Variants in NKAIN3 observed in about 807,000 individuals in gnomAD.
NKAIN3 encodes the protein sodium/potassium-transporting ATPase subunit beta-1-interacting protein 3.
A neutral mutation model predicts 30.2 loss-of-function variants in NKAIN3; 25 were observed. The ratio of observed to expected loss-of-function variants is 0.83; its 90% CI spans 0.60 to 1.16. NKAIN3 has a LOEUF of 1.16. NKAIN3 is among the 50% of genes most tolerant of loss of function. NKAIN3 has a pLI of 0.00. For missense variants in NKAIN3, 225 were observed against 254.1 expected, an observed-to-expected ratio of 0.89 and a Z score of 0.78; for synonymous variants, 91 against 89.6, an observed-to-expected ratio of 1.02 and a Z score of -0.09.
intron 3 of NKAIN3, among the ~76,000 whole-genome samples, chr8:62,729,546 C>G (rs999347348): frequency 6.6e-6 from 1 of 152,202 alleles, no homozygotes; most frequent in East Asian, 1.9e-4. Flanking sequence ...CGCATAAAAA[C>G]CTGCACCTAG....
intron 3 of NKAIN3, among the ~76,000 whole-genome samples, chr8:62,668,760 C>T (rs1380579765): frequency 6.6e-6 from 1 of 151,940 alleles, no homozygotes; most frequent in Non-Finnish European, 1.5e-5. Flanking sequence ...ATATGTATTC[C>T]TTAATTTAAA....
chr8:62,262,907 G>C (rs1812488749), intron 1 of NKAIN3, among the ~76,000 whole-genome samples: 1 of 152,130 alleles, frequency 6.6e-6, no homozygotes, highest in African/African-American at 2.4e-5. Flanking sequence ...TTAGAGGGCA[G>C]AGGTTTTGAT....
At chr8:62,604,280 A>G (rs915218953) in intron 3 of NKAIN3, among the ~76,000 whole-genome samples, 6 of 152,154 alleles carry the variant, frequency 3.9e-5, no homozygotes, top group African/African-American at 9.6e-5. Flanking sequence ...AACAAGAATG[A>G]GCTAGAATCG....
intron 1 of NKAIN3, among the ~76,000 whole-genome samples, chr8:62,252,158 G>GT (rs1383581649): frequency 1.3e-5 from 2 of 151,190 alleles, no homozygotes; most frequent in African/African-American, 2.4e-5. Context: ...GCTCTTTTAT[G>GT]TTTTTTTCTG....
chr8:62,413,386 T>C (rs1431835396), intron 1 of NKAIN3, among the ~76,000 whole-genome samples: 1 of 152,210 alleles, frequency 6.6e-6, no homozygotes, highest in African/African-American at 2.4e-5. Context: ...GCCACACCAC[T>C]TGTTAAATAT....
chr8:62,657,767 C>G (rs1586057503), intron 3 of NKAIN3, among the ~76,000 whole-genome samples: 1 of 152,220 alleles, frequency 6.6e-6, no homozygotes, highest in East Asian at 1.9e-4. Flanking sequence ...AAAGCCTGCA[C>G]CACGAAATAG....
At chr8:62,490,049 G>C (rs1807020670) in intron 1 of NKAIN3, among the ~76,000 whole-genome samples, 1 of 152,182 alleles carries the variant, frequency 6.6e-6, no homozygotes, top group South Asian at 2.1e-4. Context: ...CTACAGTAAA[G>C]GTAATTTATT....
intron 4 of NKAIN3, among the ~76,000 whole-genome samples, chr8:62,754,988 A>G (rs1816404827): frequency 6.6e-6 from 1 of 152,226 alleles, no homozygotes. Context: ...AAATGTAAAT[A>G]TAGTTAAAAG....
intron 1 of NKAIN3, among the ~76,000 whole-genome samples, chr8:62,386,955 G>T (rs1037483481): frequency 2.0e-5 from 3 of 152,022 alleles, no homozygotes; most frequent in Non-Finnish European, 4.4e-5. Context: ...GAGAGAGAGA[G>T]AGAAATGATA....
chr8:62,317,884 C>T (rs1487515690), intron 1 of NKAIN3, among the ~76,000 whole-genome samples: 7 of 152,278 alleles, frequency 4.6e-5, no homozygotes, highest in South Asian at 2.1e-4. Context: ...GCCATTTTCA[C>T]GATATTGATT....
chr8:62,319,222 T>C (rs1417446396), intron 1 of NKAIN3, among the ~76,000 whole-genome samples: 2 of 152,052 alleles, frequency 1.3e-5, no homozygotes, highest in Admixed American at 1.3e-4. Context: ...ATTCTTCTCT[T>C]TTCTTCTTTA....
intron 4 of NKAIN3, among the ~76,000 whole-genome samples, chr8:62,901,393 C>A (rs1821609663): frequency 6.6e-6 from 1 of 152,090 alleles, no homozygotes; most frequent in Admixed American, 6.5e-5. Flanking sequence ...TCACTTGAGT[C>A]CAGGAGTTCA....
intron 4 of NKAIN3, among the ~76,000 whole-genome samples, chr8:62,911,431 T>C (rs1432682175): frequency 6.6e-6 from 1 of 152,194 alleles, no homozygotes; most frequent in African/African-American, 2.4e-5. Flanking sequence ...ACTTCCAAGA[T>C]AGAATTCGCA....
At chr8:62,433,852 A>G (rs930556030) in intron 1 of NKAIN3, among the ~76,000 whole-genome samples, 1 of 152,152 alleles carries the variant, frequency 6.6e-6, no homozygotes, top group African/African-American at 2.4e-5. Flanking sequence ...TCCATAGCTA[A>G]GGAATCTGAA....
chr8:62,580,906 T>TTA (rs71255350), intron 2 of NKAIN3, among the ~76,000 whole-genome samples: 14,681 of 112,138 alleles, frequency 0.13, 736 homozygotes, highest in East Asian at 0.19. Flanking sequence ...GCTAGGGTTT[T>TTA]TATATATATA....
At chr8:62,843,827 C>T (rs1819598751) in intron 4 of NKAIN3, among the ~76,000 whole-genome samples, 1 of 152,078 alleles carries the variant, frequency 6.6e-6, no homozygotes, top group Non-Finnish European at 1.5e-5. Context: ...TCTGTGTCTC[C>T]TTCTGAAAGG....
chr8:62,855,457 G>A (rs947745696), intron 4 of NKAIN3: 112 of 1,280,562 alleles, frequency 8.7e-5, no homozygotes, highest in South Asian at 2.1e-4. Context: ...TGGGTCTTTT[G>A]CTTCCAAAAT....
At chr8:62,389,121 A>C (rs2129594450) in intron 1 of NKAIN3, among the ~76,000 whole-genome samples, 1 of 152,286 alleles carries the variant, frequency 6.6e-6, no homozygotes, top group South Asian at 2.1e-4. Context: ...GAAAACTAGA[A>C]AGGCAGCCTG....
intron 4 of NKAIN3, among the ~76,000 whole-genome samples, chr8:62,851,506 G>A (rs2130774900): frequency 6.6e-6 from 1 of 152,276 alleles, no homozygotes; most frequent in East Asian, 1.9e-4. Flanking sequence ...TAATAGGAGT[G>A]GTGAGAGAGG....
Sources: allele counts gnomAD v4.1 joint callset (sites outside exome capture counted in the v4.1 genomes callset), GRCh38; gene constraint gnomAD v4.1.1; transcripts MANE v1.5; gene names NCBI Gene and HGNC (gene_info 2026-07-23, HGNC 2026-07-21).